The following FBXL13 variants were observed in gnomAD, a reference collection of about 807,000 sequenced individuals.
FBXL13 encodes F-box and leucine rich repeat protein 13.
Under a neutral mutation model 83.6 loss-of-function variants are expected in FBXL13, and 67 were observed. The ratio of observed to expected loss-of-function variants is 0.80; its 90% CI spans 0.66 to 0.98. The LOEUF (loss-of-function observed/expected upper bound fraction) is 0.98, where lower values mean the gene tolerates loss of function less well. Ranked by LOEUF, FBXL13 falls within the 50% of genes least tolerant of loss-of-function variation. The pLI is 0.00. For synonymous variants in FBXL13, 272 were observed against 299.5 expected (o/e 0.91, Z 0.95); for missense variants, 822 against 866.5 (o/e 0.95, Z 0.64).
chr7:103,032,722 C>T (rs1794631824), intron 2 of FBXL13, among the ~76,000 whole-genome samples: 5 of 152,174 alleles, frequency 3.3e-5, no homozygotes, highest in Admixed American at 3.3e-4. Flanking sequence ...TTACCTGGGC[C>T]TGTCTAATAT....
At chr7:102,939,508 G>C in intron 8 of FBXL13, 1 of 1,613,792 alleles carries the variant, frequency 6.2e-7, no homozygotes, top group South Asian at 1.1e-5. Context: ...AACCAACTTC[G>C]ACCCAAGGAA....
At position 102,968,174 on chromosome 7, in the gene FBXL13, C is replaced by G. The variant is rs958711133; in HGVS notation, c.496-57G>C. 46 of 1,193,500 alleles carry G rather than the reference C, an allele frequency of 3.9e-5. No homozygotes were observed. In the Admixed American group the frequency reaches 7.8e-4, roughly 20 times the overall value. The allele number at this position is 1,193,500 out of a possible 1,614,324, so 73.9% of individuals were successfully genotyped here. A position where few individuals can be genotyped will look rare whatever the true frequency, so the allele number is the denominator to read the frequency against. ...AAATGTGAACTTTGATGTAACTTGT[C>G]CACTTACCTTTTGTCTGTGTGTGTG... On this transcript the variant is annotated intron_variant, in intron 6 of 19. Coordinates refer to ENST00000313221, the Ensembl canonical transcript of FBXL13.
At chr7:103,029,308 T>C in intron 3 of FBXL13, 43 bp downstream of exon 4, 1 of 1,286,160 alleles carries the variant, frequency 7.8e-7, no homozygotes, top group Non-Finnish European at 1.1e-6. Flanking sequence ...ATATCAAGAA[T>C]AAAAACTCAA....
chr7:103,063,712 C>CTTTTTTTTTTTTT (rs34739663), intron 1 of FBXL13, among the ~76,000 whole-genome samples: 1 of 101,692 alleles, frequency 9.8e-6, no homozygotes, highest in Non-Finnish European at 1.9e-5. Flanking sequence ...CAAACTTAGG[C>CTTTTTTTTTTTTT]TTTTTTTTTT....
intron 6 of FBXL13, among the ~76,000 whole-genome samples, chr7:102,970,991 G>C (rs1435003538): frequency 6.6e-6 from 1 of 152,112 alleles, no homozygotes; most frequent in African/African-American, 2.4e-5. Flanking sequence ...AGAATTTCCA[G>C]GAGGGAATAA....
At chr7:103,054,973 C>G (rs1797197086) in intron 2 of FBXL13, 115 bp downstream of exon 3, 1 of 488,832 alleles carries the variant, frequency 2.0e-6, no homozygotes, top group African/African-American at 2.1e-5. Context: ...TTTCTCGGTG[C>G]CCCCAACAAC....
chr7:102,902,983 G>A (rs983595797), intron 11 of FBXL13, among the ~76,000 whole-genome samples: 2 of 151,630 alleles, frequency 1.3e-5, no homozygotes, highest in Non-Finnish European at 2.9e-5. Context: ...ATTTTGATAG[G>A]GATTTCATTG....
At chr7:103,011,637 C>CAA (rs1323329438) in intron 6 of FBXL13, among the ~76,000 whole-genome samples, 7 of 58,512 alleles carry the variant, frequency 1.2e-4, no homozygotes, top group East Asian at 1.1e-3. Flanking sequence ...GACTCTGTCT[C>CAA]AAAAAAAAAA....
At chr7:103,058,747 T>C (rs935043171) in intron 1 of FBXL13, among the ~76,000 whole-genome samples, 20 of 152,218 alleles carry the variant, frequency 1.3e-4, no homozygotes, top group African/African-American at 4.8e-4. Context: ...AATGAGTGCC[T>C]AAATGAAGTT....
intron 11 of FBXL13, among the ~76,000 whole-genome samples, chr7:102,885,558 T>G (rs1156547707): frequency 6.6e-6 from 1 of 152,172 alleles, no homozygotes; most frequent in East Asian, 1.9e-4. Context: ...TATTTTCCAT[T>G]CTGTAGGTTG....
chr7:102,905,066 G>C (rs1305285431), intron 11 of FBXL13, among the ~76,000 whole-genome samples: 2 of 152,130 alleles, frequency 1.3e-5, no homozygotes, highest in African/African-American at 4.8e-5. Flanking sequence ...CATGTCCTGA[G>C]GAAAAGAATG....
chr7:103,031,571 A>G (rs1184589181), intron 2 of FBXL13, among the ~76,000 whole-genome samples: 7 of 152,204 alleles, frequency 4.6e-5, no homozygotes, highest in African/African-American at 9.7e-5. Flanking sequence ...GTACCCTCAC[A>G]TAACACTCAC....
chr7:102,851,188 T>C (rs1259880951), intron 17 of FBXL13, among the ~76,000 whole-genome samples: 1 of 152,122 alleles, frequency 6.6e-6, no homozygotes, highest in East Asian at 1.9e-4. Flanking sequence ...TTCTTTCAGC[T>C]CCAGAAGTTT....
Position 102,968,011 on chromosome 7 carries a change from T to C in FBXL13, c.591+11A>G. 1.3e-6 allele frequency: 2 copies of C among 1,597,894 alleles called. No homozygotes were observed. Among genetic ancestry groups the C allele is most frequent in the Non-Finnish European group, 1.7e-6 (2 of 1,165,490 alleles). On this transcript the variant is annotated intron_variant, in intron 7 of 19. Transcript: ENST00000313221. ...TAGTGTAAAGACATAGTTCAGTTAGTATCTACTTACAGCATTCCACAGTGA... is the reference window on the plus strand; with the variant it reads ...TAGTGTAAAGACATAGTTCAGTTAGCATCTACTTACAGCATTCCACAGTGA...
chr7:103,065,675 A>T (rs1174770490), intron 1 of FBXL13, among the ~76,000 whole-genome samples: 1 of 152,260 alleles, frequency 6.6e-6, no homozygotes, highest in Non-Finnish European at 1.5e-5. Context: ...GAGTACCCAA[A>T]GATGAAATAA....
chr7:102,829,319 C>A (rs563081925), intron 18 of FBXL13, among the ~76,000 whole-genome samples: 1 of 152,328 alleles, frequency 6.6e-6, no homozygotes, highest in African/African-American at 2.4e-5. Flanking sequence ...TCTCACCAGA[C>A]TCAGACAAGT....
At chr7:102,937,376 A>C (rs1157399616) in intron 8 of FBXL13, among the ~76,000 whole-genome samples, 1 of 151,330 alleles carries the variant, frequency 6.6e-6, no homozygotes. Context: ...GCATGGTGGC[A>C]GGCACCTGTA....
At chr7:103,035,779 T>C (rs1450041919) in intron 2 of FBXL13, among the ~76,000 whole-genome samples, 1 of 152,240 alleles carries the variant, frequency 6.6e-6, no homozygotes. Flanking sequence ...TGGCAGGCAA[T>C]TCCCTTTTTT....
chr7:102,897,009 AT>A (rs554702284), intron 11 of FBXL13, among the ~76,000 whole-genome samples: 237 of 146,980 alleles, frequency 1.6e-3, no homozygotes, highest in African/African-American at 3.8e-3. Context: ...AGGAGCAGGA[AT>A]TTTTTTTTTT....
Sources: allele counts gnomAD v4.1 joint callset (sites outside exome capture counted in the v4.1 genomes callset), GRCh38; gene constraint gnomAD v4.1.1; transcripts MANE v1.5; gene names NCBI Gene and HGNC (gene_info 2026-07-23, HGNC 2026-07-21).